Variants in CCDC171 observed in about 807,000 individuals in gnomAD.
The protein encoded by CCDC171 is coiled-coil domain-containing protein 171.
Under a neutral mutation model 168.2 loss-of-function variants are expected in CCDC171, and 177 were observed. The ratio of observed to expected loss-of-function variants is 1.05; its 90% CI spans 0.93 to 1.19. The LOEUF (loss-of-function observed/expected upper bound fraction) is 1.19, where lower values mean the gene tolerates loss of function less well. CCDC171 is among the 50% of genes most tolerant of loss of function. The pLI is 0.00. For synonymous variants in CCDC171, 687 were observed against 540.8 expected, an observed-to-expected ratio of 1.27 and a Z score of -3.75; for missense variants, 1,991 against 1,539.0, an observed-to-expected ratio of 1.29 and a Z score of -4.91.
chr9:15,938,769 C>T (rs1827381604), intron 25 of CCDC171, among the ~76,000 whole-genome samples: 1 of 151,774 alleles, frequency 6.6e-6, no homozygotes, highest in African/African-American at 2.4e-5. Flanking sequence ...TTGCCTGACA[C>T]CAACTGGAAA....
intron 21 of CCDC171, among the ~76,000 whole-genome samples, chr9:15,788,429 T>G (rs1379644206): frequency 1.3e-5 from 2 of 152,162 alleles, no homozygotes; most frequent in Admixed American, 1.3e-4. Flanking sequence ...GCATAACTTC[T>G]TTTAAAAAAC....
At chr9:15,716,022 T>TG (rs1420482539) in intron 11 of CCDC171, among the ~76,000 whole-genome samples, 1 of 152,038 alleles carries the variant, frequency 6.6e-6, no homozygotes, top group African/African-American at 2.4e-5. Context: ...GTATGGTGAG[T>TG]GAAAGTAACC....
At chr9:15,830,013 A>T (rs1445738099) in intron 21 of CCDC171, among the ~76,000 whole-genome samples, 4 of 152,120 alleles carry the variant, frequency 2.6e-5, no homozygotes, top group African/African-American at 4.8e-5. Flanking sequence ...TACTAATGAT[A>T]ATCTGTTTTC....
At chr9:15,658,284 A>G (rs564427880) in intron 8 of CCDC171, among the ~76,000 whole-genome samples, 40 of 152,340 alleles carry the variant, frequency 2.6e-4, no homozygotes, top group African/African-American at 8.4e-4. Context: ...AGCAATGGAA[A>G]GCCACTGCAG....
At chr9:16,013,936 C>T (rs899516053) in intron 3 of CCDC171, among the ~76,000 whole-genome samples, 3 of 152,194 alleles carry the variant, frequency 2.0e-5, no homozygotes, top group Non-Finnish European at 4.4e-5. Context: ...ATGTTGATGG[C>T]TGCTGACTGA....
intron 24 of CCDC171, among the ~76,000 whole-genome samples, chr9:15,908,022 T>C (rs888210787): frequency 2.6e-5 from 4 of 151,680 alleles, no homozygotes; most frequent in African/African-American, 4.8e-5. Flanking sequence ...CTGGAGAGGA[T>C]GTGGAGAAAT....
chr9:15,663,693 C>T (rs1463856257), intron 8 of CCDC171, among the ~76,000 whole-genome samples: 3 of 151,232 alleles, frequency 2.0e-5, no homozygotes, highest in East Asian at 3.9e-4. Context: ...GCAAGCTCTG[C>T]CTCCCAGATT....
At chr9:15,600,401 C>T (rs2042745627) in intron 6 of CCDC171, among the ~76,000 whole-genome samples, 1 of 152,204 alleles carries the variant, frequency 6.6e-6, no homozygotes, top group Non-Finnish European at 1.5e-5. Flanking sequence ...TGGAGGTCCA[C>T]TCCAGACCCT....
chr9:15,785,476 A>G (rs574221562), intron 21 of CCDC171, among the ~76,000 whole-genome samples: 1 of 152,132 alleles, frequency 6.6e-6, no homozygotes, highest in African/African-American at 2.4e-5. Flanking sequence ...ATTATGATCA[A>G]TGATAAAATA....
At chr9:15,897,388 A>G (rs1821051351) in intron 24 of CCDC171, among the ~76,000 whole-genome samples, 1 of 152,012 alleles carries the variant, frequency 6.6e-6, no homozygotes, top group Non-Finnish European at 1.5e-5. Context: ...CAAATTATGT[A>G]TGTTTTTAGC....
At chr9:15,957,449 C>T (rs530579414) in intron 25 of CCDC171, among the ~76,000 whole-genome samples, 20 of 152,274 alleles carry the variant, frequency 1.3e-4, no homozygotes, top group African/African-American at 3.9e-4. Context: ...TGAATCCAAG[C>T]ACCTTAAAAG....
At chr9:15,641,885 T>A (rs1431207185) in intron 7 of CCDC171, among the ~76,000 whole-genome samples, 1 of 152,186 alleles carries the variant, frequency 6.6e-6, no homozygotes, top group Non-Finnish European at 1.5e-5. Context: ...GTTGTTTGGC[T>A]AGGCGTAGTG....
chr9:15,626,599 T>A (rs1294535932), intron 7 of CCDC171, among the ~76,000 whole-genome samples: 1 of 152,240 alleles, frequency 6.6e-6, no homozygotes, highest in East Asian at 1.9e-4. Flanking sequence ...TGGGTCTGTT[T>A]ATATGATGGA....
chr9:15,819,929 C>G (rs2059701032), intron 21 of CCDC171, among the ~76,000 whole-genome samples: 1 of 117,566 alleles, frequency 8.5e-6, no homozygotes, highest in Admixed American at 8.1e-5. Flanking sequence ...AAATTGACCA[C>G]ATAGTTGGAA....
rs34582639 is a variant in CCDC171 at position 15,601,561 on chromosome 9, C to T, written c.675+7389C>T. ...TCTAAGTACTTACTGAGTTACTGCT[C>T]TGGATACTGAGGCTGTAAAACTGAT... On this transcript the variant is annotated intron_variant, in intron 6 of 25. Transcript: ENST00000380701. 5.6e-3 allele frequency among the ~76,000 whole-genome samples: 855 copies of T among 152,294 alleles called. 5 individuals are homozygous for T. The highest frequency in any genetic ancestry group is 8.6e-3 in the Non-Finnish European group (585 of 68,034).
At chr9:15,651,173 A>G (rs1292125124) in intron 7 of CCDC171, among the ~76,000 whole-genome samples, 2 of 151,472 alleles carry the variant, frequency 1.3e-5, no homozygotes, top group South Asian at 2.1e-4. Flanking sequence ...GCAGTGTGCA[A>G]TCTCCACTCA....
chr9:15,955,730 T>C (rs1400930596), intron 25 of CCDC171, among the ~76,000 whole-genome samples: 2 of 152,178 alleles, frequency 1.3e-5, no homozygotes, highest in African/African-American at 4.8e-5. Context: ...TGCTTACTAC[T>C]CTGCCATCTT....
intron 24 of CCDC171, among the ~76,000 whole-genome samples, chr9:15,906,323 C>T (rs1433434886): frequency 3.3e-5 from 5 of 152,172 alleles, no homozygotes; most frequent in African/African-American, 4.8e-5. Flanking sequence ...AGCTTATCCA[C>T]CATGATCAAG....
chr9:15,862,999 G>A (rs375273595), intron 23 of CCDC171, among the ~76,000 whole-genome samples: 13 of 151,954 alleles, frequency 8.6e-5, no homozygotes, highest in Admixed American at 2.6e-4. Flanking sequence ...CAAGCCAGGG[G>A]AGAGCTGTTA....
Sources: allele counts gnomAD v4.1 joint callset (sites outside exome capture counted in the v4.1 genomes callset), GRCh38; gene constraint gnomAD v4.1.1; transcripts MANE v1.5; gene names NCBI Gene and HGNC (gene_info 2026-07-23, HGNC 2026-07-21).